Variants in RAB10 observed in about 807,000 individuals in gnomAD.
The protein encoded by RAB10 is ras-related protein Rab-10.
Under a neutral mutation model 25.7 loss-of-function variants are expected in RAB10, and 5 were observed. The ratio of observed to expected loss-of-function variants is 0.19; its 90% CI spans 0.10 to 0.41. The LOEUF (loss-of-function observed/expected upper bound fraction) is 0.41, where lower values mean the gene tolerates loss of function less well. Among genes scored for constraint, RAB10 ranks in the 10% least tolerant of loss-of-function variants. The pLI, the probability that RAB10 is intolerant of heterozygous loss-of-function variation, is 1.00. For missense variants in RAB10, 103 were observed against 245.8 expected, an observed-to-expected ratio of 0.42 and a Z score of 3.89; for synonymous variants, 89 against 86.4, an observed-to-expected ratio of 1.03 and a Z score of -0.16.
intron 1 of RAB10, among the ~76,000 whole-genome samples, chr2:26,084,412 C>T (rs546087639): frequency 3.6e-4 from 55 of 152,270 alleles, no homozygotes; most frequent in Non-Finnish European, 2.8e-4. Flanking sequence ...TGTGAATTAG[C>T]TTATAGCCAA....
chr2:26,040,627 C>T (rs566185655), intron 1 of RAB10, among the ~76,000 whole-genome samples: 83 of 152,176 alleles, frequency 5.5e-4, no homozygotes, highest in African/African-American at 1.9e-3. Context: ...CACTGCACTC[C>T]AGCCTGGGTG....
chr2:26,125,435 T>C (rs893394239), intron 3 of RAB10, among the ~76,000 whole-genome samples: 4 of 118,948 alleles, frequency 3.4e-5, no homozygotes, highest in African/African-American at 9.0e-5. Context: ...CTTTGCTTGC[T>C]TTTTTTTTTT....
chr2:26,110,307 C>T (rs529541684), intron 3 of RAB10, among the ~76,000 whole-genome samples: 1 of 139,806 alleles, frequency 7.2e-6, no homozygotes, highest in African/African-American at 2.7e-5. Flanking sequence ...CACTGCACTC[C>T]AGCCTGGGCA....
chr2:26,111,370 C>T (rs1286876496), intron 3 of RAB10, among the ~76,000 whole-genome samples: 7 of 151,960 alleles, frequency 4.6e-5, no homozygotes, highest in East Asian at 1.9e-4. Flanking sequence ...TCTGGGAGGC[C>T]GAGGTGGGCG....
intron 1 of RAB10, among the ~76,000 whole-genome samples, chr2:26,074,131 A>G (rs1666684434): frequency 6.6e-6 from 1 of 152,216 alleles, no homozygotes; most frequent in Non-Finnish European, 1.5e-5. Flanking sequence ...ACAGAAGAGG[A>G]GACAGTATCA....
rs142607024 is a variant in RAB10 at position 26,059,252 on chromosome 2, C to T, written c.127+24517C>T. On this transcript the variant is annotated intron_variant, in intron 1 of 5. Coordinates refer to ENST00000264710, the MANE Select transcript of RAB10 (RefSeq NM_016131.5). ...CCCAACAAACTTAAAGTTGGAGATG[C>T]AGTATATTTTTGTTTTGCTAATGCA... Among the ~76,000 whole-genome samples the T allele has an allele frequency of 3.7e-3, 561 of 152,242 alleles. 3 individuals carry two copies. Among genetic ancestry groups the T allele is most frequent in the African/African-American group, 0.013 (541 of 41,550 alleles).
intron 3 of RAB10, 95 bp downstream of exon 3, chr2:26,110,001 G>T: frequency 7.8e-7 from 1 of 1,284,824 alleles, no homozygotes; most frequent in South Asian, 1.8e-5. Context: ...AGGATATAAT[G>T]TACTGTTGAA....
At chr2:26,076,575 G>A (rs182699795) in intron 1 of RAB10, among the ~76,000 whole-genome samples, 3 of 152,254 alleles carry the variant, frequency 2.0e-5, no homozygotes, top group East Asian at 1.9e-4. Flanking sequence ...CAGCAAAAGC[G>A]GCAAAATGGG....
chr2:26,055,376 C>T (rs1454703546), intron 1 of RAB10, among the ~76,000 whole-genome samples: 1 of 151,618 alleles, frequency 6.6e-6, no homozygotes, highest in Non-Finnish European at 1.5e-5. Flanking sequence ...AGGCATGCGA[C>T]ACCACACTTG....
chr2:26,096,874 T>C (rs918829481), intron 1 of RAB10, among the ~76,000 whole-genome samples: 13 of 152,346 alleles, frequency 8.5e-5, no homozygotes, highest in Middle Eastern at 3.4e-3. Flanking sequence ...ATTTGGGAGT[T>C]TTCCCAGATG....
At chr2:26,103,148 C>A (rs1667379846) in intron 2 of RAB10, among the ~76,000 whole-genome samples, 1 of 152,128 alleles carries the variant, frequency 6.6e-6, no homozygotes, top group Non-Finnish European at 1.5e-5. Flanking sequence ...GGGGTAGAAC[C>A]TGAGGATAAA....
At chr2:26,087,306 G>T (rs1173743916) in intron 1 of RAB10, among the ~76,000 whole-genome samples, 1 of 152,120 alleles carries the variant, frequency 6.6e-6, no homozygotes, top group Non-Finnish European at 1.5e-5. Context: ...GGATTTTTAT[G>T]AATAGTGAGA....
At chr2:26,094,594 T>C (rs1398859350) in intron 1 of RAB10, among the ~76,000 whole-genome samples, 1 of 151,758 alleles carries the variant, frequency 6.6e-6, no homozygotes, top group Non-Finnish European at 1.5e-5. Flanking sequence ...AGCTTTGCAC[T>C]GTTGCCCAGG....
At position 26,060,664 on chromosome 2, in the gene RAB10, A is replaced by G. The variant is rs560868171; in HGVS notation, c.127+25929A>G. ...GAGAAAATTTTGGATTAGAAACATTAGGTAATTTATCAAAGAAGGTTATGT... is the reference window on the plus strand; with the variant it reads ...GAGAAAATTTTGGATTAGAAACATTGGGTAATTTATCAAAGAAGGTTATGT... On this transcript the variant is annotated intron_variant, in intron 1 of 5. Coordinates refer to ENST00000264710, the MANE Select transcript of RAB10 (RefSeq NM_016131.5). Among the ~76,000 whole-genome samples, 7 of 152,332 alleles carry G rather than the reference A, an allele frequency of 4.6e-5. No homozygotes were observed. The South Asian group carries it at 1.4e-3, about 32-fold the overall frequency.
At chr2:26,068,290 C>A (rs746069035) in intron 1 of RAB10, among the ~76,000 whole-genome samples, 6 of 152,052 alleles carry the variant, frequency 3.9e-5, no homozygotes, top group Non-Finnish European at 7.4e-5. Flanking sequence ...GGGTTTGAGC[C>A]AGATTGTGCA....
chr2:26,132,201 A>T (rs550623743), intron 5 of RAB10, among the ~76,000 whole-genome samples: 1 of 152,356 alleles, frequency 6.6e-6, no homozygotes, highest in African/African-American at 2.4e-5. Flanking sequence ...CTAACAGGTT[A>T]AAAAATGTAG....
At chr2:26,123,397 T>G (rs574074518) in intron 3 of RAB10, among the ~76,000 whole-genome samples, 1 of 152,216 alleles carries the variant, frequency 6.6e-6, no homozygotes, top group East Asian at 1.9e-4. Flanking sequence ...CATGAAAATC[T>G]GGAGGAATTA....
upstream of RAB10, among the ~76,000 whole-genome samples, chr2:26,033,771 AGCGGGGAGCGGGAGGCGGGAG>A (rs1361121830): frequency 8.1e-6 from 1 of 122,856 alleles, no homozygotes; most frequent in African/African-American, 2.9e-5. Context: ...TGTCCCGGGG[AGCGGGGAGCGGGAGGCGGGAG>A]GCGGGGGTCG....
intron 1 of RAB10, among the ~76,000 whole-genome samples, chr2:26,088,214 A>C (rs940783269): frequency 2.6e-5 from 4 of 152,150 alleles, no homozygotes; most frequent in Admixed American, 2.0e-4. Context: ...GAAAACTGAT[A>C]GAGTGGCTAG....
Sources: gnomAD v4.1 joint callset for allele counts (sites outside exome capture counted in the v4.1 genomes callset) on GRCh38, gnomAD v4.1.1 for gene constraint, MANE v1.5 for transcripts, NCBI Gene and HGNC (gene_info 2026-07-23, HGNC 2026-07-21) for gene names.